The following LPP variants were observed in gnomAD, a reference collection of about 807,000 sequenced individuals.
The protein encoded by LPP is LIM domain containing preferred translocation partner in lipoma, also known as lipoma-preferred partner.
Under a neutral mutation model 60.4 loss-of-function variants are expected in LPP, and 38 were observed. The observed-to-expected ratio is 0.63, with a 90% CI of 0.49 to 0.83. The LOEUF (loss-of-function observed/expected upper bound fraction) is 0.83. LPP is among the 40% of genes least tolerant of loss of function. The pLI is 0.00. For missense variants in LPP, 902 were observed against 783.6 expected (o/e 1.15, Z -1.80); for synonymous variants, 328 against 290.8 (o/e 1.13, Z -1.30).
At position 188,581,760 on chromosome 3, in the gene LPP, G is replaced by A. The variant is rs144780300; in HGVS notation, c.430-27401G>A. Among the ~76,000 whole-genome samples the A allele has an allele frequency of 1.4e-3, 211 of 152,124 alleles. 1 individual carries two copies. The highest frequency in any genetic ancestry group is 3.5e-3 in the African/African-American group (147 of 41,496). On this transcript the variant is annotated intron_variant, in intron 6 of 11. Coordinates refer to ENST00000617246, the MANE Select transcript of LPP (RefSeq NM_001375462.1). ...AATCGTAAAAATTAAAACCAGCCTC[G>A]GAACACAACCCCTCATTCTTCCAGC... is the stretch of plus-strand genomic sequence containing the variant.
At chr3:188,237,195 A>G (rs1722235293) in intron 2 of LPP, among the ~76,000 whole-genome samples, 1 of 152,184 alleles carries the variant, frequency 6.6e-6, no homozygotes, top group South Asian at 2.1e-4. Flanking sequence ...TCAAGTTTAA[A>G]CAAAGGATTA....
intron 4 of LPP, among the ~76,000 whole-genome samples, chr3:188,477,942 A>G (rs914575236): frequency 6.6e-6 from 1 of 151,852 alleles, no homozygotes; most frequent in South Asian, 2.1e-4. Flanking sequence ...TTTCTGGTAC[A>G]GTTTTCTTGG....
chr3:188,517,015 T>A (rs1194137128), intron 5 of LPP, among the ~76,000 whole-genome samples: 1 of 152,218 alleles, frequency 6.6e-6, no homozygotes, highest in Non-Finnish European at 1.5e-5. Flanking sequence ...CTTTATAAAG[T>A]CACATACTCA....
chr3:188,360,663 A>G (rs1038933245), intron 3 of LPP, among the ~76,000 whole-genome samples: 1 of 152,128 alleles, frequency 6.6e-6, no homozygotes, highest in Non-Finnish European at 1.5e-5. Context: ...GGCCTGAATT[A>G]GACAACTTCT....
Position 188,446,609 on chromosome 3 carries a change from C to T in LPP, c.194-37983C>T, listed in dbSNP as rs138849612. On this transcript the variant is annotated intron_variant, in intron 4 of 11. Transcript: ENST00000617246. Reference sequence around the variant, plus strand: ...TTCCCCAAATTTCCTTAATTTTTCACGGACTGATGAAAATGTTTTGCTGCT... The same window carrying T: ...TTCCCCAAATTTCCTTAATTTTTCATGGACTGATGAAAATGTTTTGCTGCT... Among the ~76,000 whole-genome samples, 54 of 152,270 alleles carry T rather than the reference C, an allele frequency of 3.5e-4. No individual in the cohort carries two copies. The East Asian group carries it at 8.9e-3, about 25-fold the overall frequency.
intron 7 of LPP, among the ~76,000 whole-genome samples, chr3:188,684,369 G>A (rs1268842106): frequency 1.3e-5 from 2 of 152,228 alleles, no homozygotes; most frequent in Middle Eastern, 3.4e-3. Flanking sequence ...CAGAGAAAAA[G>A]AAGAAAGTAC....
chr3:188,696,183 C>G (rs950376091), intron 7 of LPP, among the ~76,000 whole-genome samples: 1 of 152,068 alleles, frequency 6.6e-6, no homozygotes, highest in African/African-American at 2.4e-5. Flanking sequence ...AATTCTGTCC[C>G]TCATTCAAGT....
At chr3:188,853,829 CT>C (rs34841361) in intron 9 of LPP, among the ~76,000 whole-genome samples, 83,690 of 148,572 alleles carry the variant, frequency 0.56, 23,571 homozygotes, top group East Asian at 0.84. Context: ...AGATTTTTTT[CT>C]TTTTTTTTTT....
chr3:188,655,458 G>C (rs1225067126), intron 7 of LPP, among the ~76,000 whole-genome samples: 1 of 152,188 alleles, frequency 6.6e-6, no homozygotes, highest in East Asian at 1.9e-4. Context: ...GACAGAATTA[G>C]GGAGATTGCT....
At chr3:188,825,269 C>CTGTGTGTGTG (rs3057956) in intron 9 of LPP, among the ~76,000 whole-genome samples, 29 of 101,754 alleles carry the variant, frequency 2.9e-4, no homozygotes, top group Middle Eastern at 0.011. Flanking sequence ...CTCTCTCTCT[C>CTGTGTGTGTG]TGTGTGTGTG....
intron 4 of LPP, among the ~76,000 whole-genome samples, chr3:188,424,033 T>G (rs1788614851): frequency 6.6e-6 from 1 of 152,094 alleles, no homozygotes; most frequent in African/African-American, 2.4e-5. Context: ...CTTTGTCCAT[T>G]CCTATGTCCT....
intron 7 of LPP, among the ~76,000 whole-genome samples, chr3:188,637,758 A>G (rs1368169127): frequency 6.6e-6 from 1 of 152,240 alleles, no homozygotes; most frequent in Non-Finnish European, 1.5e-5. Context: ...AAACTAGAAA[A>G]TCTAGAAGAA....
At chr3:188,169,659 T>C (rs1211214006) in intron 1 of LPP, among the ~76,000 whole-genome samples, 2 of 152,204 alleles carry the variant, frequency 1.3e-5, no homozygotes, top group African/African-American at 4.8e-5. Flanking sequence ...CCCGGAAGGT[T>C]TGTTTCCCAA....
chr3:188,677,378 G>T (rs571595195), intron 7 of LPP, among the ~76,000 whole-genome samples: 49 of 152,182 alleles, frequency 3.2e-4, no homozygotes, highest in Middle Eastern at 6.8e-3. Flanking sequence ...ATCATTAAGG[G>T]TCTTTTATTT....
intron 2 of LPP, among the ~76,000 whole-genome samples, chr3:188,241,140 T>G (rs1724566352): frequency 6.6e-6 from 1 of 152,278 alleles, no homozygotes; most frequent in South Asian, 2.1e-4. Flanking sequence ...GAATGATAAG[T>G]GGTCATGGGG....
At chr3:188,671,005 A>G (rs538576452) in intron 7 of LPP, among the ~76,000 whole-genome samples, 61 of 152,140 alleles carry the variant, frequency 4.0e-4, no homozygotes, top group Non-Finnish European at 7.6e-4. Flanking sequence ...CGCGTTTTCT[A>G]CATAAGTTGT....
chr3:188,256,263 T>G (rs1731637352), intron 2 of LPP, among the ~76,000 whole-genome samples: 1 of 152,228 alleles, frequency 6.6e-6, no homozygotes, highest in Non-Finnish European at 1.5e-5. Flanking sequence ...TAATTAAACC[T>G]TAGTTAATGA....
chr3:188,277,979 A>G (rs1000003709), intron 2 of LPP, among the ~76,000 whole-genome samples: 4 of 152,192 alleles, frequency 2.6e-5, no homozygotes, highest in Non-Finnish European at 4.4e-5. Flanking sequence ...CATTCCCATG[A>G]TTTAGCCCTC....
intron 3 of LPP, among the ~76,000 whole-genome samples, chr3:188,355,771 C>T (rs1263943235): frequency 2.0e-5 from 3 of 152,140 alleles, no homozygotes; most frequent in Non-Finnish European, 4.4e-5. Flanking sequence ...TTTGATGTGA[C>T]AGTTTGTTAA....
Sources: gnomAD v4.1 joint callset for allele counts (sites outside exome capture counted in the v4.1 genomes callset) on GRCh38, gnomAD v4.1.1 for gene constraint, MANE v1.5 for transcripts, NCBI Gene and HGNC (gene_info 2026-07-23, HGNC 2026-07-21) for gene names.